STAB1: variants seen among roughly 807,000 people sequenced by gnomAD.
STAB1 encodes the protein stabilin-1.
STAB1 carries 250 observed loss-of-function variants against 332.4 expected under a neutral mutation model. That is an observed-to-expected ratio of 0.75 (90% CI 0.68 to 0.84). The LOEUF (loss-of-function observed/expected upper bound fraction) is 0.84. Ranked by LOEUF, STAB1 falls within the 40% of genes least tolerant of loss-of-function variation. The pLI, the probability that STAB1 is intolerant of heterozygous loss-of-function variation, is 0.00. For synonymous variants in STAB1, 1,475 were observed against 1,390.4 expected, an observed-to-expected ratio of 1.06 and a Z score of -1.35; for missense variants, 3,249 against 3,489.7, an observed-to-expected ratio of 0.93 and a Z score of 1.74.
At chr3:52,512,532 A>T in intron 27 of STAB1, 64 bp from the exon 28 acceptor site, 1 of 1,613,092 alleles carries the variant, frequency 6.2e-7, no homozygotes, top group Middle Eastern at 1.7e-4. Flanking sequence ...CTCAGGATCC[A>T]TGGTGGGGAA....
Position 52,523,352 on chromosome 3 carries a change from A to G in STAB1, c.7140+11A>G. On this transcript the variant is annotated intron_variant, in intron 64 of 68. Transcript: ENST00000321725. ...TTTGTGGACAACATGGTAACCCCCA[A>G]GGGTGTGGGCAGAGCAGAGCCTGCA... The G allele has an allele frequency of 1.2e-6, 2 of 1,609,474 alleles. No homozygotes were observed. Among genetic ancestry groups the G allele is most frequent in the Non-Finnish European group, 1.7e-6 (2 of 1,179,978 alleles).
At position 52,520,087 on chromosome 3, in the gene STAB1, C is replaced by T. The variant is rs763743884; in HGVS notation, c.5379C>T (p.Ala1793=). The change falls in exon 51 of 69, where the codon GCC becomes GCT. Residue 1793 remains alanine, a synonymous_variant. Coordinates refer to ENST00000321725, the MANE Select transcript of STAB1 (RefSeq NM_015136.3). ...AGGACCACCGTGACAAGCTAGCAGC[C>T]ATTCTGCGGGGCCACATGATTCGCA... ...YHEDHRDKLA[A]ILRGHMIRNV... The T allele has an allele frequency of 5.6e-6, 9 of 1,611,532 alleles. No individual in the cohort carries two copies. Among genetic ancestry groups the T allele is most frequent in the African/African-American group, 2.7e-5 (2 of 74,916 alleles).
In STAB1 at chr3:52,515,434, G is replaced by A. The variant is rs148964293; in HGVS notation, c.3876G>A (p.Arg1292=). ...TQGFQLQDTP[R]KSCVYRSGFS... ...GTCCCCGTTTCCAGGACACACCCAG[G>A]AAGAGCTGTGTCTACCGATCTGGCT... is the stretch of plus-strand genomic sequence containing the variant. Residue 1292 remains arginine, a synonymous_variant, in exon 37 of 69, where the codon AGG becomes AGA. Coordinates refer to ENST00000321725, the MANE Select transcript of STAB1 (RefSeq NM_015136.3). 1,831 of 1,613,240 alleles carry A rather than the reference G, an allele frequency of 1.1e-3. No homozygotes were observed. Among genetic ancestry groups the A allele is most frequent in the Non-Finnish European group, 1.4e-3 (1,678 of 1,179,996 alleles).
rs758159754 is a variant in STAB1 at position 52,522,363 on chromosome 3, G to A, written c.6499G>A (p.Val2167Ile). ...TRRCECHAGY[V>I]GDGLQCLEES... ...GCGCTGTGAGTGCCACGCAGGCTACGTAGGCGATGGACTGCAGTGTCTGGA... is the reference window on the plus strand; with the variant it reads ...GCGCTGTGAGTGCCACGCAGGCTACATAGGCGATGGACTGCAGTGTCTGGA... Residue 2167 changes from valine to isoleucine, a missense_variant, in exon 60 of 69, where the codon GTA becomes ATA. Physicochemically the swap from Val to Ile is conservative, Grantham distance 29. Coordinates refer to ENST00000321725, the MANE Select transcript of STAB1 (RefSeq NM_015136.3). 1.4e-5 allele frequency: 23 copies of A among 1,612,906 alleles called. No homozygotes were observed. Among genetic ancestry groups the A allele is most frequent in the South Asian group, 7.7e-5 (7 of 91,092 alleles).
chr3:52,524,339 A>C lies in STAB1; in HGVS notation c.7696A>C (p.Ile2566Leu). The change falls in exon 69 of 69, where the codon ATC (isoleucine) becomes CTC (leucine). Residue 2566 changes from isoleucine to leucine, a missense_variant. Ile to Leu is a conservative substitution (Grantham distance 5, BLOSUM62 2). Coordinates refer to ENST00000321725, the MANE Select transcript of STAB1 (RefSeq NM_015136.3). ...LEEDFPDTQR[I>L]LTVK ...GGAGGACTTCCCTGACACCCAGAGG[A>C]TCCTCACAGTCAAGTGACGAGGCTG... 4 of 1,613,848 alleles carry C rather than the reference A, an allele frequency of 2.5e-6. No individual in the cohort carries two copies. The highest frequency in any genetic ancestry group is 3.4e-6 in the Non-Finnish European group (4 of 1,180,010).
Position 52,515,412 on chromosome 3 carries a change from C to T in STAB1, c.3865-11C>T. The stretch of plus-strand genomic sequence containing the variant: ...CACTGGCTGACCCCTCCTGCCTGTC[C>T]CCGTTTCCAGGACACACCCAGGAAG... On this transcript the variant is annotated splice_polypyrimidine_tract_variant and intron_variant, in intron 36 of 68. Transcript: ENST00000321725. 6.2e-7 allele frequency: 1 copy of T among 1,612,552 alleles called. No individual in the cohort carries two copies. Among genetic ancestry groups the T allele is most frequent in the Non-Finnish European group, 8.5e-7 (1 of 1,179,982 alleles).
rs774559893 is a variant in STAB1, at chr3:52,523,293, G to A, written c.7092G>A (p.Thr2364=). The A allele has an allele frequency of 3.8e-5, 62 of 1,612,582 alleles. No homozygotes were observed. The highest frequency in any genetic ancestry group is 5.0e-5 in the Non-Finnish European group (59 of 1,180,026). ...TGGACTTCCTGGATGATGAGCTCAC[G>A]TATAAGACACTCTTCGTCCCTGTCA... The part of the protein sequence containing the change: ...DFLDFLDDEL[T]YKTLFVPVNE... Residue 2364 remains threonine, a synonymous_variant, in exon 64 of 69, where the codon ACG becomes ACA. Transcript: ENST00000321725.
intron 48 of STAB1, 104 bp downstream of exon 48, chr3:52,518,973 C>G: frequency 7.4e-7 from 1 of 1,351,220 alleles, no homozygotes; most frequent in Non-Finnish European, 9.8e-7. Context: ...CCCCACCTCC[C>G]CTAGCCAGGG....
chr3:52,520,259 C>T lies in STAB1; in HGVS notation c.5468C>T (p.Pro1823Leu), dbSNP rs759344994. The stretch of plus-strand genomic sequence containing the variant: ...CCACTTCGAACCATGCATGGGACCC[C>T]CATCTCTTTCTCCTGCAGCCGAACG... Reference protein sequence around the residue: ...LGPLRTMHGTPISFSCSRTRA... With the variant: ...LGPLRTMHGTLISFSCSRTRA... Residue 1823 changes from proline (P) to leucine (L), a missense_variant, in exon 52 of 69, where the codon CCC becomes CTC. Transcript: ENST00000321725. The T allele has an allele frequency of 1.2e-6, 2 of 1,613,168 alleles. No individual in the cohort carries two copies. The highest frequency in any genetic ancestry group is 2.2e-5 in the East Asian group (1 of 44,888).
Position 52,508,023 on chromosome 3 carries a change from C to T in STAB1, c.2145C>T (p.Ile715=). 6.2e-7 allele frequency: 1 copy of T among 1,613,254 alleles called. No homozygotes were observed. Among genetic ancestry groups the T allele is most frequent in the Admixed American group, 1.7e-5 (1 of 59,980 alleles). The part of the protein sequence containing the change: ...KGCASYCNQT[I]MEQGCCKGFF... ...GTGCCAGCTACTGCAACCAAACCAT[C>T]ATGGTAAGCGTGGGCATGGGTGCCC... Residue 715 remains isoleucine, a synonymous_variant, in exon 20 of 69, where the codon ATC becomes ATT. Transcript: ENST00000321725.
At position 52,504,730 on chromosome 3, in the gene STAB1, C is replaced by CGTCT. The variant is rs1708720681; in HGVS notation, c.1240-7_1240-4dup. 1 of 1,613,534 alleles carries CGTCT rather than the reference C, an allele frequency of 6.2e-7. No homozygotes were observed. The highest frequency in any genetic ancestry group is 8.5e-7 in the Non-Finnish European group (1 of 1,180,020). On this transcript the variant is annotated splice_polypyrimidine_tract_variant and intron_variant, in intron 11 of 68. Coordinates refer to ENST00000321725, the MANE Select transcript of STAB1 (RefSeq NM_015136.3). ...CCGGCTCACTTTGCTCCCCGCCTTG[C>CGTCT]GTCTGCAGGCATCCCTTGCCCAGCA... is the stretch of plus-strand genomic sequence containing the variant.
intron 22 of STAB1, chr3:52,509,582 AG>A: frequency 5.1e-6 from 3 of 591,632 alleles, no homozygotes; most frequent in Non-Finnish European, 6.0e-6. Flanking sequence ...CAGGCCAGGA[AG>A]GGAACTGTGG....
At position 52,514,120 on chromosome 3, in the gene STAB1, T is replaced by A. The variant is rs74491782; in HGVS notation, c.3453T>A (p.His1151Gln). Residue 1151 changes from histidine (H) to glutamine (Q), a missense_variant, in exon 33 of 69, where the codon CAT becomes CAA. His to Gln is a conservative substitution (Grantham distance 24, BLOSUM62 0). Coordinates refer to ENST00000321725, the MANE Select transcript of STAB1 (RefSeq NM_015136.3). ...GACCTCCACCCCATCCCTAGCACCA[T>A]GGGTTGGTGCCCCAGATTGAGGCTG... ...FSLFRELLQHHGLVPQIEAAT... is the reference protein window; with the variant it reads ...FSLFRELLQHQGLVPQIEAAT... 6.2e-7 allele frequency: 1 copy of A among 1,613,212 alleles called. No homozygotes were observed. The highest frequency in any genetic ancestry group is 1.7e-5 in the Admixed American group (1 of 60,020).
In STAB1 at chr3:52,511,645, T is replaced by C. The variant is rs996090003; in HGVS notation, c.2788-5T>C. The C allele has an allele frequency of 3.7e-6, 6 of 1,608,490 alleles. No homozygotes were observed. In the African/African-American group the frequency reaches 5.3e-5, roughly 14 times the overall value. ...GACAAGGCCGTCTGTTCCTAACCTT[T>C]CCAGAGCCGATGCACCTGCAAGCTG... On this transcript the variant is annotated splice_region_variant and splice_polypyrimidine_tract_variant and intron_variant, in intron 25 of 68. Coordinates refer to ENST00000321725, the MANE Select transcript of STAB1 (RefSeq NM_015136.3).
rs1250277284 is a variant in STAB1, at chr3:52,520,072, T to G, written c.5364T>G (p.Arg1788=). ...RQAWLYHEDH[R]DKLAAILRGH... is the part of the protein sequence containing the mutation. ...CCTGGCTGTACCATGAGGACCACCG[T>G]GACAAGCTAGCAGCCATTCTGCGGG... The change falls in exon 51 of 69, where the codon CGT becomes CGG. Residue 1788 remains arginine (R), a synonymous_variant. Coordinates refer to ENST00000321725, the MANE Select transcript of STAB1 (RefSeq NM_015136.3). 1 of 1,612,172 alleles carries G rather than the reference T, an allele frequency of 6.2e-7. No homozygotes were observed. The highest frequency in any genetic ancestry group is 8.5e-7 in the Non-Finnish European group (1 of 1,179,494).
chr3:52,501,315 C>A lies in STAB1; in HGVS notation c.215+13C>A. 1.2e-6 allele frequency: 2 copies of A among 1,610,722 alleles called. No homozygotes were observed. The highest frequency in any genetic ancestry group is 2.2e-5 in the East Asian group (1 of 44,806). On this transcript the variant is annotated intron_variant, in intron 2 of 68. Coordinates refer to ENST00000321725, the MANE Select transcript of STAB1 (RefSeq NM_015136.3). The stretch of plus-strand genomic sequence containing the variant: ...CCCAGGACTGCCGGTGCGGGCCACC[C>A]CTGTCCTTGCCTGTGTCCAGGAGCA...
chr3:52,518,724 A>G lies in STAB1; in HGVS notation c.4889A>G (p.Asp1630Gly). 6.2e-7 allele frequency: 1 copy of G among 1,612,414 alleles called. No individual in the cohort carries two copies. The change falls in exon 48 of 69, where the codon GAT becomes GGT. Residue 1630 changes from aspartate (D) to glycine (G), a missense_variant and splice_region_variant. Physicochemically the swap from Asp to Gly is moderately conservative, Grantham distance 94 (BLOSUM62 -1). Coordinates refer to ENST00000321725, the MANE Select transcript of STAB1 (RefSeq NM_015136.3). Reference protein sequence around the residue: ...HADLMSNLSQDELARIRAHRQ... With the variant: ...HADLMSNLSQGELARIRAHRQ... ...ACTCCCCTCGCGACTCTGCTCCAGG[A>G]TGAGCTGGCCCGGATTCGTGCGCAT...
At chr3:52,519,694 A>C in intron 50 of STAB1, 130 bp downstream of exon 50, 1 of 1,356,468 alleles carries the variant, frequency 7.4e-7, no homozygotes, top group Non-Finnish European at 1.0e-6. Flanking sequence ...GTGTGAACTC[A>C]TGTGTGCACA....
At position 52,505,260 on chromosome 3, in the gene STAB1, G is replaced by A. The variant is rs541250477; in HGVS notation, c.1519-59G>A. 1.6e-5 allele frequency: 26 copies of A among 1,606,972 alleles called. 1 individual carries two copies. Among genetic ancestry groups the A allele is most frequent in the Middle Eastern group, 1.7e-4 (1 of 6,060 alleles). On this transcript the variant is annotated intron_variant, in intron 13 of 68. Coordinates refer to ENST00000321725, the MANE Select transcript of STAB1 (RefSeq NM_015136.3). ...CAGGGCTGGAGCGCAGCTTCTCCCC[G>A]CTGGGCTGAAGCAGCCTCACCCCTT...
Sources: gnomAD v4.1 joint callset for allele counts on GRCh38, gnomAD v4.1.1 for gene constraint, MANE v1.5 for transcripts, NCBI Gene and HGNC (gene_info 2026-07-23, HGNC 2026-07-21) for gene names.